MYNN: variants seen among roughly 807,000 people sequenced by gnomAD.
The protein encoded by MYNN is myoneurin.
A neutral mutation model predicts 57.2 loss-of-function variants in MYNN; 22 were observed. The ratio of observed to expected loss-of-function variants is 0.38; its 90% CI spans 0.27 to 0.55. The LOEUF (loss-of-function observed/expected upper bound fraction) is 0.55, where lower values mean the gene tolerates loss of function less well. Among genes scored for constraint, MYNN ranks in the 20% least tolerant of loss-of-function variants. MYNN has a pLI of 0.71. For synonymous variants in MYNN, 241 were observed against 257.1 expected, an observed-to-expected ratio of 0.94 and a Z score of 0.60; for missense variants, 566 against 723.1, an observed-to-expected ratio of 0.78 and a Z score of 2.49.
rs1384147904 is a variant in MYNN, at chr3:169,779,202, A to C, written c.701A>C (p.Glu234Ala). The C allele has an allele frequency of 1.2e-6, 2 of 1,614,216 alleles. No homozygotes were observed. Among genetic ancestry groups the C allele is most frequent in the Non-Finnish European group, 1.7e-6 (2 of 1,180,042 alleles). Residue 234 changes from glutamate to alanine, a missense_variant, in exon 3 of 8, where the codon GAA becomes GCA. Coordinates refer to ENST00000349841, the MANE Select transcript of MYNN (RefSeq NM_018657.5). Reference sequence around the variant, plus strand: ...GTTGCACAAATAAATGATAATTCAGAACTCGAGTTGACATCAGTTGTGGAA... The same window carrying C: ...GTTGCACAAATAAATGATAATTCAGCACTCGAGTTGACATCAGTTGTGGAA... ...EQVAQINDNS[E>A]LELTSVVENT...
intron 7 of MYNN, 121 bp from the exon 8 acceptor site, chr3:169,786,295 C>T (rs984752552): frequency 9.7e-6 from 9 of 929,218 alleles, no homozygotes; most frequent in Admixed American, 8.0e-5. Context: ...AAAGAGAAAC[C>T]GCTTGAGTAA....
At chr3:169,778,744 T>C (rs1367884913) in intron 2 of MYNN, 24 bp from the exon 3 acceptor site, 2 of 1,555,642 alleles carry the variant, frequency 1.3e-6, no homozygotes, top group Non-Finnish European at 8.7e-7. Context: ...CAGAATATTG[T>C]CATGTAGCCT....
rs750800437 is a variant in MYNN, at chr3:169,782,547, C to T, written c.1303C>T (p.Arg435Cys). 1 of 1,613,914 alleles carries T rather than the reference C, an allele frequency of 6.2e-7. No homozygotes were observed. The highest frequency in any genetic ancestry group is 8.5e-7 in the Non-Finnish European group (1 of 1,179,880). ...AGCCAGCACACTGACCTATCATGTC[C>T]GTAGGCATACTGGAGAAAAGCCTTA... ...AQASTLTYHV[R>C]RHTGEKPYVC... Residue 435 changes from arginine (R) to cysteine (C), a missense_variant, in exon 5 of 8, where the codon CGT (arginine) becomes TGT (cysteine). Physicochemically the swap from Arg to Cys is radical, Grantham distance 180. This residue lies in a region of MYNN where 123 missense variants were observed against 222.6 expected (regional missense o/e 0.55). Coordinates refer to ENST00000349841, the MANE Select transcript of MYNN (RefSeq NM_018657.5). This position sits in a 1 kb window ranked among gnomAD's most constrained non-coding sequence, Gnocchi z 4.8.
Position 169,788,805 on chromosome 3 carries a change from A to T in MYNN, c.*2127A>T, listed in dbSNP as rs892398376. On this transcript the variant is annotated 3_prime_UTR_variant, in exon 8 of 8. Coordinates refer to ENST00000349841, the MANE Select transcript of MYNN (RefSeq NM_018657.5). ...CATCATTTTCTGCTCTTCTAGAATG[A>T]TGTGTAGAGAAAACTTGAAGATACT... The T allele has an allele frequency of 2.0e-5, 3 of 152,162 alleles. No homozygotes were observed. Among genetic ancestry groups the T allele is most frequent in the African/African-American group, 7.2e-5 (3 of 41,446 alleles). The allele number at this position is 152,162 out of a possible 1,614,324, so 9.4% of individuals were successfully genotyped here.
chr3:169,776,794 C>G (rs923236520), intron 2 of MYNN, among the ~76,000 whole-genome samples: 1 of 149,998 alleles, frequency 6.7e-6, no homozygotes, highest in Non-Finnish European at 1.5e-5. Flanking sequence ...ACCTCCACCT[C>G]CCAGGTTCAA....
At position 169,787,749 on chromosome 3, in the gene MYNN, C is replaced by CACA. The variant is rs1277210381; in HGVS notation, c.*1074_*1076dup. 6.6e-6 allele frequency: 1 copy of CACA among 151,786 alleles called. No homozygotes were observed. The highest frequency in any genetic ancestry group is 2.4e-5 in the African/African-American group (1 of 41,338). The allele number at this position is 151,786 out of a possible 1,614,324, so 9.4% of individuals were successfully genotyped here. The stretch of plus-strand genomic sequence containing the variant: ...GGTTTGTTAATTTTATAAATTAAAC[C>CACA]ACAACTTTTGGTGGTGGTTGTAGTT... On this transcript the variant is annotated 3_prime_UTR_variant, in exon 8 of 8. Transcript: ENST00000349841.
chr3:169,777,123 C>G (rs1224465308), intron 2 of MYNN: 1 of 151,962 alleles, frequency 6.6e-6, no homozygotes, highest in African/African-American at 2.4e-5. Context: ...GTGGCCCAGC[C>G]CAAAAGACAA....
chr3:169,776,809 T>G (rs1778360252), intron 2 of MYNN, among the ~76,000 whole-genome samples: 1 of 147,054 alleles, frequency 6.8e-6, no homozygotes, highest in Non-Finnish European at 1.5e-5. Context: ...GTTCAAGGGA[T>G]TCTCCTGCCT....
chr3:169,784,716 C>T lies in MYNN; in HGVS notation c.1570+8C>T, dbSNP rs1460910097. On this transcript the variant is annotated splice_region_variant and intron_variant, in intron 7 of 7. Coordinates refer to ENST00000349841, the MANE Select transcript of MYNN (RefSeq NM_018657.5). ...AAACAAAAGTCCATTCTGGTAAATG[C>T]TTGTGTTTTGTTTGCTTGTTTGTTT... 1 of 1,527,074 alleles carries T rather than the reference C, an allele frequency of 6.5e-7. No individual in the cohort carries two copies. Among genetic ancestry groups the T allele is most frequent in the Non-Finnish European group, 8.9e-7 (1 of 1,122,604 alleles). 94.6% of individuals were successfully genotyped at this position (1,527,074 alleles called of 1,614,324 possible). A position where few individuals can be genotyped will look rare whatever the true frequency, so the allele number is the denominator to read the frequency against.
chr3:169,776,736 C>G (rs989901316), intron 2 of MYNN, among the ~76,000 whole-genome samples: 1 of 119,580 alleles, frequency 8.4e-6, no homozygotes, highest in African/African-American at 3.1e-5. Context: ...TGGAGTCTCA[C>G]TCTGTCACCC....
At position 169,782,401 on chromosome 3, in the gene MYNN, T is replaced by A; in HGVS notation, c.1221-64T>A. 4 of 1,334,398 alleles carry A rather than the reference T, an allele frequency of 3.0e-6. No individual in the cohort carries two copies. The highest frequency in any genetic ancestry group is 4.1e-6 in the Non-Finnish European group (4 of 976,242). 82.7% of individuals were successfully genotyped at this position (1,334,398 alleles called of 1,614,324 possible). Reference sequence around the variant, plus strand: ...GAAATAAAATCTATAAAAAACTTTATGAATTCTTGCTATATAGACTGACCT... The same window carrying A: ...GAAATAAAATCTATAAAAAACTTTAAGAATTCTTGCTATATAGACTGACCT... On this transcript the variant is annotated intron_variant, in intron 4 of 7. Coordinates refer to ENST00000349841, the MANE Select transcript of MYNN (RefSeq NM_018657.5). The surrounding 1 kb of genome is among the most constrained non-coding windows in gnomAD (Gnocchi z 4.8).
chr3:169,778,640 T>C (rs1006331760), intron 2 of MYNN, 128 bp from the exon 3 acceptor site: 22 of 673,302 alleles, frequency 3.3e-5, no homozygotes, highest in Middle Eastern at 8.5e-4. Context: ...TCTATTTTTC[T>C]CTTAGTTATG....
At chr3:169,780,541 C>A in intron 3 of MYNN, 49 bp from the exon 4 acceptor site, 1 of 1,394,436 alleles carries the variant, frequency 7.2e-7, no homozygotes, top group Non-Finnish European at 9.8e-7. Context: ...ATGACTTATG[C>A]AACCAAAACA....
intron 2 of MYNN, among the ~76,000 whole-genome samples, chr3:169,775,349 G>T (rs1166620915): frequency 6.6e-6 from 1 of 152,106 alleles, no homozygotes; most frequent in African/African-American, 2.4e-5. Flanking sequence ...AGGGGAAAAG[G>T]TGGAGGGAAT....
chr3:169,782,986 G>A lies in MYNN; in HGVS notation c.1399+343G>A, dbSNP rs1460803115. Among the ~76,000 whole-genome samples the A allele has an allele frequency of 6.6e-6, 1 of 152,112 alleles. No individual in the cohort carries two copies. Among genetic ancestry groups the A allele is most frequent in the Non-Finnish European group, 1.5e-5 (1 of 67,992 alleles). The stretch of plus-strand genomic sequence containing the variant: ...TCCTATAGTTAGGGTTGGGGAGTGG[G>A]TTTGGGTTGAACATGGATTTTTAAA... On this transcript the variant is annotated intron_variant, in intron 5 of 7. Transcript: ENST00000349841. This position sits in a 1 kb window ranked among gnomAD's most constrained non-coding sequence, Gnocchi z 4.8.
At position 169,786,736 on chromosome 3, in the gene MYNN, G is replaced by T; in HGVS notation, c.*58G>T. 1 of 1,511,786 alleles carries T rather than the reference G, an allele frequency of 6.6e-7. No individual in the cohort carries two copies. Among genetic ancestry groups the T allele is most frequent in the Non-Finnish European group, 9.0e-7 (1 of 1,106,168 alleles). The allele number at this position is 1,511,786 out of a possible 1,614,324, so 93.6% of individuals were successfully genotyped here. On this transcript the variant is annotated 3_prime_UTR_variant, in exon 8 of 8. Coordinates refer to ENST00000349841, the MANE Select transcript of MYNN (RefSeq NM_018657.5). Reference sequence around the variant, plus strand: ...ATTGGTAGCAAACATCTCTGGTAAGGTGCATATATTCATATTAAATTCCCA... The same window carrying T: ...ATTGGTAGCAAACATCTCTGGTAAGTTGCATATATTCATATTAAATTCCCA...
intron 3 of MYNN, chr3:169,779,766 A>ACT (rs35197165): frequency 0.014 from 7,564 of 550,980 alleles, 182 homozygotes; most frequent in African/African-American, 0.063. Context: ...TAATGCATCA[A>ACT]CTCCTTATAC....
intron 4 of MYNN, among the ~76,000 whole-genome samples, chr3:169,781,966 T>G (rs1268894637): frequency 1.3e-5 from 2 of 151,872 alleles, no homozygotes; most frequent in Non-Finnish European, 2.9e-5. Context: ...TCCAATGGAG[T>G]GAGAAACATG....
intron 7 of MYNN, 57 bp downstream of exon 7, chr3:169,784,765 G>A (rs1054308965): frequency 5.5e-6 from 6 of 1,093,168 alleles, no homozygotes; most frequent in African/African-American, 4.9e-5. Flanking sequence ...GCTCATATTA[G>A]TGCTATTCCT....
Sources: allele counts gnomAD v4.1 joint callset (sites outside exome capture counted in the v4.1 genomes callset), GRCh38; gene constraint gnomAD v4.1.1; regional missense constraint gnomAD v4.1.1; non-coding constraint Gnocchi (gnomAD v3.1); transcripts MANE v1.5; gene names NCBI Gene and HGNC (gene_info 2026-07-23, HGNC 2026-07-21).